KLF13: variants seen among roughly 807,000 people sequenced by gnomAD.
KLF13 encodes Krueppel-like factor 13.
Under a neutral mutation model 16.7 loss-of-function variants are expected in KLF13, and 8 were observed. The ratio of observed to expected loss-of-function variants is 0.48; its 90% confidence interval spans 0.28 to 0.87. KLF13 has a LOEUF of 0.87. Ranked by LOEUF, KLF13 falls within the 40% of genes least tolerant of loss-of-function variation. KLF13 has a pLI of 0.10. For synonymous variants in KLF13, 245 were observed against 208.4 expected (o/e 1.18, Z -1.51); for missense variants, 447 against 452.2 (o/e 0.99, Z 0.10).
intron 1 of KLF13, among the ~76,000 whole-genome samples, chr15:31,426,805 C>A (rs966050208): frequency 6.6e-6 from 1 of 152,028 alleles, no homozygotes; most frequent in African/African-American, 2.4e-5. Context: ...GTCAGTGGAC[C>A]ATATAGGGAA....
At chr15:31,413,187 C>CAAAAAAAAAAAAAAAAAAAAAAAAA (rs1161762538) in intron 1 of KLF13, among the ~76,000 whole-genome samples, 2 of 63,350 alleles carry the variant, frequency 3.2e-5, no homozygotes, top group Non-Finnish European at 7.3e-5. Flanking sequence ...AATGAATAGA[C>CAAAAAAAAAAAAAAAAAAAAAAAAA]AAAAAAAAAA....
intron 1 of KLF13, among the ~76,000 whole-genome samples, chr15:31,424,167 GAATT>G (rs2040376015): frequency 6.6e-6 from 1 of 151,768 alleles, no homozygotes; most frequent in Non-Finnish European, 1.5e-5. Context: ...ACTTAAAAAA[GAATT>G]AATATAAATT....
chr15:31,398,515 T>C (rs1310899193), intron 2 of KLF13, among the ~76,000 whole-genome samples: 1 of 152,144 alleles, frequency 6.6e-6, no homozygotes, highest in Non-Finnish European at 1.5e-5. Flanking sequence ...TTCAGGGGCA[T>C]GCTCGGTGCT....
At position 31,375,402 on chromosome 15, in the gene KLF13, T is replaced by C. The variant is rs1306802377; in HGVS notation, c.*3103T>C. The C allele has an allele frequency of 6.6e-6, 1 of 152,206 alleles. No individual in the cohort carries two copies. Among genetic ancestry groups the C allele is most frequent in the African/African-American group, 2.4e-5 (1 of 41,442 alleles). 9.4% of individuals were successfully genotyped at this position (152,206 alleles called of 1,614,324 possible). On this transcript the variant is annotated 3_prime_UTR_variant, in exon 2 of 2. Coordinates refer to ENST00000307145, the MANE Select transcript of KLF13 (RefSeq NM_015995.4). ...ACTGCGTCTATTTCAGGGTCTTCCA[T>C]TTTTGTGGTTTATGGCCATGCTTGC...
chr15:31,347,608 C>T (rs920907053), intron 1 of KLF13, among the ~76,000 whole-genome samples: 7 of 152,294 alleles, frequency 4.6e-5, no homozygotes, highest in African/African-American at 1.7e-4. Context: ...CCTAAGCCAG[C>T]GGAGCCTCAG....
At chr15:31,339,834 CGTGGGA>C in intron 1 of KLF13, 1 of 656,690 alleles carries the variant, frequency 1.5e-6, no homozygotes, top group Middle Eastern at 3.8e-4. Context: ...CCTGCTGTCT[CGTGGGA>C]GTGCCCCAGG....
At chr15:31,370,451 C>T (rs1000822797) in intron 1 of KLF13, among the ~76,000 whole-genome samples, 1 of 150,958 alleles carries the variant, frequency 6.6e-6, no homozygotes, top group Non-Finnish European at 1.5e-5. Context: ...CAGACCCTTG[C>T]TCTCTTGCCC....
At chr15:31,365,926 C>T (rs918522212) in intron 1 of KLF13, among the ~76,000 whole-genome samples, 3 of 151,544 alleles carry the variant, frequency 2.0e-5, no homozygotes, top group Non-Finnish European at 2.9e-5. Flanking sequence ...ACGTTGTCCC[C>T]GCCTGGGCCT....
chr15:31,381,553 A>G (rs1305998946), downstream of KLF13, among the ~76,000 whole-genome samples: 2 of 151,940 alleles, frequency 1.3e-5, no homozygotes, highest in African/African-American at 4.8e-5. Context: ...TGAGCCCCCC[A>G]TCCACCCCAG....
chr15:31,340,086 A>C (rs2038996946), intron 1 of KLF13: 1 of 699,440 alleles, frequency 1.4e-6, no homozygotes, highest in Non-Finnish European at 2.6e-6. Flanking sequence ...CTCTGCCTCT[A>C]GGCCTGTTTC....
chr15:31,435,053 C>T (rs1306539487), intron 1 of KLF13, among the ~76,000 whole-genome samples: 1 of 152,228 alleles, frequency 6.6e-6, no homozygotes, highest in Non-Finnish European at 1.5e-5. Flanking sequence ...TTGAATCACC[C>T]TGGCCACTTC....
intron 1 of KLF13, among the ~76,000 whole-genome samples, chr15:31,433,491 C>T (rs2040495939): frequency 6.6e-6 from 1 of 152,186 alleles, no homozygotes; most frequent in Non-Finnish European, 1.5e-5. Context: ...AGTCCACTCT[C>T]TTCCACCAGG....
chr15:31,348,163 C>T (rs1595463119), intron 1 of KLF13, among the ~76,000 whole-genome samples: 1 of 152,206 alleles, frequency 6.6e-6, no homozygotes, highest in South Asian at 2.1e-4. Flanking sequence ...CACTCCTCCT[C>T]CCGTGGATTG....
In KLF13 at chr15:31,327,100, G is replaced by A. The variant is rs1365451258; in HGVS notation, c.-113G>A. 3 of 534,694 alleles carry A rather than the reference G, an allele frequency of 5.6e-6. No individual in the cohort carries two copies. Among genetic ancestry groups the A allele is most frequent in the Non-Finnish European group, 4.9e-6 (2 of 406,434 alleles). The allele number at this position is 534,694 out of a possible 1,614,324, so 33.1% of individuals were successfully genotyped here. ...CGCCCAGCCCAGCCCAGCCCAGCCCGAGGAGAGGGCGCGCCGCGCCCCCGC... is the reference window on the plus strand; with the variant it reads ...CGCCCAGCCCAGCCCAGCCCAGCCCAAGGAGAGGGCGCGCCGCGCCCCCGC... On this transcript the variant is annotated 5_prime_UTR_variant, in exon 1 of 2. Transcript: ENST00000307145.
chr15:31,332,574 A>G (rs1046128385), intron 1 of KLF13, among the ~76,000 whole-genome samples: 2 of 152,238 alleles, frequency 1.3e-5, no homozygotes, highest in Non-Finnish European at 2.9e-5. Context: ...GACGCAGTTC[A>G]TTAAACCAGT....
chr15:31,375,618 G>A lies in KLF13; in HGVS notation c.*3319G>A, dbSNP rs1421012427. ...CTGGGGCTCAGCCATCAAGGGGCTG[G>A]TGTTGCTCCTGTCCCAGACAAGGAA... On this transcript the variant is annotated 3_prime_UTR_variant, in exon 2 of 2. Transcript: ENST00000307145. 6.6e-6 allele frequency: 1 copy of A among 152,134 alleles called. No homozygotes were observed. The highest frequency in any genetic ancestry group is 2.4e-5 in the African/African-American group (1 of 41,422). 9.4% of individuals were successfully genotyped at this position (152,134 alleles called of 1,614,324 possible).
intron 1 of KLF13, among the ~76,000 whole-genome samples, chr15:31,331,673 C>T (rs1370539287): frequency 6.6e-6 from 1 of 152,218 alleles, no homozygotes; most frequent in Non-Finnish European, 1.5e-5. Flanking sequence ...GCCCACCCCT[C>T]CCTCTCGTAC....
intron 1 of KLF13, among the ~76,000 whole-genome samples, chr15:31,352,391 A>AC (rs2039230622): frequency 6.6e-6 from 1 of 152,188 alleles, no homozygotes; most frequent in South Asian, 2.1e-4. Context: ...GAATGCACAG[A>AC]CCTGACCGTA....
chr15:31,345,632 C>T (rs1251439193), intron 1 of KLF13, among the ~76,000 whole-genome samples: 1 of 152,186 alleles, frequency 6.6e-6, no homozygotes, highest in Non-Finnish European at 1.5e-5. Context: ...GGCCCCCATC[C>T]CCCTCACCAG....
Sources: allele counts gnomAD v4.1 joint callset (sites outside exome capture counted in the v4.1 genomes callset), GRCh38; gene constraint gnomAD v4.1.1; transcripts MANE v1.5; gene names NCBI Gene and HGNC (gene_info 2026-07-23, HGNC 2026-07-21).